The following SORCS3 variants were observed in gnomAD, a reference collection of about 807,000 sequenced individuals.
SORCS3 encodes VPS10 domain-containing receptor SorCS3.
SORCS3 carries 57 observed loss-of-function variants against 146.3 expected under a neutral mutation model. That is an observed-to-expected ratio of 0.39 (90% confidence interval 0.31 to 0.49). The LOEUF (loss-of-function observed/expected upper bound fraction) is 0.49, where lower values mean the gene tolerates loss of function less well. SORCS3 is among the 20% of genes least tolerant of loss of function. The pLI, the probability that SORCS3 is intolerant of heterozygous loss-of-function variation, is 0.92. For synonymous variants in SORCS3, 653 were observed against 618.5 expected, an observed-to-expected ratio of 1.06 and a Z score of -0.83; for missense variants, 1,341 against 1,575.5, an observed-to-expected ratio of 0.85 and a Z score of 2.52.
intron 9 of SORCS3, among the ~76,000 whole-genome samples, chr10:105,150,657 G>C (rs1283442275): frequency 6.6e-6 from 1 of 152,150 alleles, no homozygotes; most frequent in Non-Finnish European, 1.5e-5. Flanking sequence ...ATGAGGGCTG[G>C]ATAAATAGCT....
At chr10:104,765,109 C>T (rs376515397) in intron 1 of SORCS3, among the ~76,000 whole-genome samples, 47 of 152,334 alleles carry the variant, frequency 3.1e-4, no homozygotes, top group African/African-American at 9.4e-4. Flanking sequence ...CTTTTTAGGT[C>T]TGTGGGAGTG....
intron 1 of SORCS3, among the ~76,000 whole-genome samples, chr10:104,661,436 A>T (rs767589579): frequency 6.6e-6 from 1 of 152,170 alleles, no homozygotes; most frequent in Non-Finnish European, 1.5e-5. Flanking sequence ...AGGGATGGTA[A>T]TGCCAAATTA....
intron 1 of SORCS3, 72 bp from the exon 2 acceptor site, chr10:104,842,720 C>T: frequency 8.4e-7 from 1 of 1,194,036 alleles, no homozygotes; most frequent in Non-Finnish European, 1.2e-6. Flanking sequence ...TATTGTTACA[C>T]AAACTAAAGT....
intron 1 of SORCS3, among the ~76,000 whole-genome samples, chr10:104,752,811 A>G (rs1168873498): frequency 3.3e-5 from 5 of 152,250 alleles, no homozygotes; most frequent in Non-Finnish European, 5.9e-5. Context: ...GATAGTTACT[A>G]TCAACTTAAA....
chr10:104,841,997 A>G (rs888546103), intron 1 of SORCS3, among the ~76,000 whole-genome samples: 5 of 152,318 alleles, frequency 3.3e-5, no homozygotes, highest in African/African-American at 1.2e-4. Context: ...AGAGGCAGGT[A>G]GGGCAACATC....
intron 1 of SORCS3, among the ~76,000 whole-genome samples, chr10:104,714,565 CT>C (rs1019878145): frequency 3.3e-5 from 5 of 152,114 alleles, no homozygotes; most frequent in African/African-American, 1.2e-4. Context: ...TTACAACTAT[CT>C]TTTTGTGGTT....
chr10:105,010,837 C>T (rs758251153), intron 4 of SORCS3, among the ~76,000 whole-genome samples: 16 of 152,012 alleles, frequency 1.1e-4, no homozygotes, highest in Non-Finnish European at 2.1e-4. Flanking sequence ...AGGGTTACAG[C>T]TGCCTTGGCT....
In SORCS3 at chr10:105,200,171, G is replaced by T. The variant is rs983817181; in HGVS notation, c.2127+55G>T. 13 of 1,340,390 alleles carry T rather than the reference G, an allele frequency of 9.7e-6. No individual in the cohort carries two copies. The African/African-American group carries it at 1.6e-4, about 16-fold the overall frequency. 83.0% of individuals were successfully genotyped at this position (1,340,390 alleles called of 1,614,324 possible). ...CTTTGAGGAGGAGGAGCTAGTGCAAGTCCGACTGGGTCTTATCTGAGCCTT... is the reference window on the plus strand; with the variant it reads ...CTTTGAGGAGGAGGAGCTAGTGCAATTCCGACTGGGTCTTATCTGAGCCTT... On this transcript the variant is annotated intron_variant, in intron 15 of 26. Coordinates refer to ENST00000369701, the MANE Select transcript of SORCS3 (RefSeq NM_014978.3).
intron 20 of SORCS3, among the ~76,000 whole-genome samples, chr10:105,225,655 A>G (rs1293587563): frequency 2.0e-5 from 3 of 152,038 alleles, no homozygotes; most frequent in Admixed American, 6.6e-5. Context: ...GATTGCATCT[A>G]TAGATCAAAT....
intron 1 of SORCS3, among the ~76,000 whole-genome samples, chr10:104,816,967 A>G (rs2017804871): frequency 6.6e-6 from 1 of 152,198 alleles, no homozygotes; most frequent in South Asian, 2.1e-4. Context: ...CCGGGCACCC[A>G]AGAATTCACC....
chr10:105,021,890 A>T (rs1373231344), intron 4 of SORCS3, among the ~76,000 whole-genome samples: 2 of 152,234 alleles, frequency 1.3e-5, no homozygotes, highest in South Asian at 4.1e-4. Context: ...CAGTTCTTCC[A>T]TGGAAAGACC....
At chr10:104,889,755 T>C (rs941137195) in intron 2 of SORCS3, among the ~76,000 whole-genome samples, 4 of 152,290 alleles carry the variant, frequency 2.6e-5, no homozygotes, top group African/African-American at 9.6e-5. Context: ...TATTTGAATA[T>C]TAAGAAAGAG....
At chr10:104,646,410 G>T (rs1289864592) in intron 1 of SORCS3, among the ~76,000 whole-genome samples, 2 of 152,218 alleles carry the variant, frequency 1.3e-5, no homozygotes, top group African/African-American at 4.8e-5. Context: ...TGGCAGGAAG[G>T]CTCAGTGGAC....
chr10:105,046,428 G>A (rs2055371940), intron 5 of SORCS3, among the ~76,000 whole-genome samples: 1 of 152,046 alleles, frequency 6.6e-6, no homozygotes, highest in African/African-American at 2.4e-5. Flanking sequence ...CAGCTTAGAG[G>A]GGGATTTGTG....
chr10:104,795,201 C>G (rs1009218522), intron 1 of SORCS3, among the ~76,000 whole-genome samples: 1 of 152,128 alleles, frequency 6.6e-6, no homozygotes, highest in Non-Finnish European at 1.5e-5. Context: ...TATGGCTACA[C>G]TTGAAGATAT....
chr10:105,216,808 C>A (rs1024960922), intron 18 of SORCS3, 128 bp from the exon 19 acceptor site: 2 of 803,726 alleles, frequency 2.5e-6, no homozygotes, highest in African/African-American at 3.4e-5. Context: ...CATTGTGTTG[C>A]AGGTGTTTCA....
chr10:104,979,820 T>G (rs1336817170), intron 4 of SORCS3, among the ~76,000 whole-genome samples: 1 of 152,196 alleles, frequency 6.6e-6, no homozygotes, highest in Non-Finnish European at 1.5e-5. Flanking sequence ...AGGCTTAGTA[T>G]AGCCAGAAAT....
intron 1 of SORCS3, among the ~76,000 whole-genome samples, chr10:104,735,286 G>C (rs1258038466): frequency 2.0e-5 from 3 of 152,000 alleles, no homozygotes; most frequent in African/African-American, 7.3e-5. Context: ...TTAGAAAATA[G>C]TTTGAAAGTT....
intron 3 of SORCS3, among the ~76,000 whole-genome samples, chr10:104,920,284 A>G (rs2019074606): frequency 6.6e-6 from 1 of 152,260 alleles, no homozygotes; most frequent in Admixed American, 6.5e-5. Flanking sequence ...CTGGCAAAAC[A>G]GTAAATTGAG....
Sources: allele counts gnomAD v4.1 joint callset (sites outside exome capture counted in the v4.1 genomes callset), GRCh38; gene constraint gnomAD v4.1.1; transcripts MANE v1.5; gene names NCBI Gene and HGNC (gene_info 2026-07-23, HGNC 2026-07-21).